Variants in WDPCP observed in about 807,000 individuals in gnomAD.
WDPCP encodes WD repeat containing planar cell polarity effector, also known as WD repeat-containing and planar cell polarity effector protein fritz homolog.
WDPCP carries 71 observed loss-of-function variants against 93.1 expected under a neutral mutation model. The observed-to-expected ratio is 0.76, with a 90% CI of 0.63 to 0.93. The LOEUF (loss-of-function observed/expected upper bound fraction) is 0.93. WDPCP is among the 40% of genes least tolerant of loss of function. The pLI, the probability that WDPCP is intolerant of heterozygous loss-of-function variation, is 0.00. For missense variants in WDPCP, 844 were observed against 887.4 expected (o/e 0.95, Z 0.62); for synonymous variants, 315 against 315.0 (o/e 1.00, Z 0.00).
intron 14 of WDPCP, among the ~76,000 whole-genome samples, chr2:63,199,895 A>C (rs1052506686): frequency 6.6e-6 from 1 of 152,208 alleles, no homozygotes; most frequent in African/African-American, 2.4e-5. Flanking sequence ...AGCTCATGAA[A>C]GCAGCCATGG....
At chr2:63,589,131 G>A, upstream of WDPCP, 1 of 1,613,840 alleles carries the variant, frequency 6.2e-7, no homozygotes, top group Non-Finnish European at 8.5e-7. Flanking sequence ...CTTTTGGGAG[G>A]CAGCTGTGCA....
At chr2:63,470,482 C>A (rs900352441) in intron 6 of WDPCP, among the ~76,000 whole-genome samples, 6 of 152,126 alleles carry the variant, frequency 3.9e-5, no homozygotes. Flanking sequence ...TTTGATCCAT[C>A]GGCAAATTCT....
intron 2 of WDPCP, among the ~76,000 whole-genome samples, chr2:63,693,320 G>T (rs1157414840): frequency 6.6e-6 from 1 of 152,124 alleles, no homozygotes; most frequent in Non-Finnish European, 1.5e-5. Flanking sequence ...AGAAAACAGT[G>T]CAGAAGATGG....
chr2:63,679,706 G>A (rs749688566), intron 2 of WDPCP, among the ~76,000 whole-genome samples: 8 of 151,968 alleles, frequency 5.3e-5, no homozygotes, highest in East Asian at 3.9e-4. Flanking sequence ...CTAGTTAGTC[G>A]GATTCTTGCT....
intron 15 of WDPCP, 29 bp downstream of exon 15, chr2:63,174,640 GA>G (rs755528724): frequency 6.2e-7 from 1 of 1,612,600 alleles, no homozygotes; most frequent in South Asian, 1.1e-5. Context: ...ATACTTTATG[GA>G]GCAATTTCCT....
At chr2:63,644,242 A>G (rs944973100) in intron 3 of WDPCP, among the ~76,000 whole-genome samples, 18 of 85,084 alleles carry the variant, frequency 2.1e-4, no homozygotes, top group Admixed American at 4.4e-4. Context: ...TTTCTCCTCT[A>G]CTTTTTTTTT....
intron 2 of WDPCP, among the ~76,000 whole-genome samples, chr2:63,712,859 A>T (rs1161938458): frequency 6.6e-6 from 1 of 152,044 alleles, no homozygotes; most frequent in Non-Finnish European, 1.5e-5. Flanking sequence ...TGACCTTTCT[A>T]CTTAAACCTG....
chr2:63,318,929 G>A (rs1319138736), intron 12 of WDPCP, among the ~76,000 whole-genome samples: 2 of 151,784 alleles, frequency 1.3e-5, no homozygotes, highest in East Asian at 3.8e-4. Flanking sequence ...CCCTAAAAGT[G>A]CAAGAAAAAA....
intron 12 of WDPCP, among the ~76,000 whole-genome samples, chr2:63,313,886 A>ATGTGTGTGTATATATATATATATTTT: frequency 1.3e-5 from 1 of 74,502 alleles, no homozygotes; most frequent in Non-Finnish European, 2.6e-5. Flanking sequence ...ATATATATAT[A>ATGTGTGTGTATATATATATATATTTT]TTTTTTTTTT....
chr2:63,411,424 A>G (rs757192517), intron 9 of WDPCP, among the ~76,000 whole-genome samples: 1 of 152,182 alleles, frequency 6.6e-6, no homozygotes, highest in Non-Finnish European at 1.5e-5. Flanking sequence ...CCTACATCAA[A>G]AAGACTGAAA....
intron 14 of WDPCP, among the ~76,000 whole-genome samples, chr2:63,196,220 T>C (rs963994485): frequency 1.3e-5 from 2 of 152,204 alleles, no homozygotes; most frequent in Non-Finnish European, 2.9e-5. Flanking sequence ...GTCCTGACGT[T>C]ACAAGAAAAT....
chr2:63,835,654 A>G, the WDPCP span, among the ~76,000 whole-genome samples: 1 of 151,670 alleles, frequency 6.6e-6, no homozygotes, highest in Non-Finnish European at 1.5e-5. Flanking sequence ...AAAAAAAATA[A>G]TAAAATGGCA....
intron 2 of WDPCP, among the ~76,000 whole-genome samples, chr2:63,674,396 T>A (rs971920475): frequency 1.1e-4 from 17 of 152,052 alleles, no homozygotes; most frequent in African/African-American, 4.1e-4. Context: ...AAAGAAAAGC[T>A]ACAGAGGGGT....
At chr2:63,591,942 C>A (rs1448761217), upstream of WDPCP, among the ~76,000 whole-genome samples, 2 of 152,168 alleles carry the variant, frequency 1.3e-5, no homozygotes, top group Non-Finnish European at 2.9e-5. Context: ...GGAAATAATA[C>A]AGAAAGGTTA....
At position 63,735,520 on chromosome 2, in the gene WDPCP, T is replaced by C. The variant is rs1669625421; in HGVS notation, n.308+78102A>G. 2.0e-5 allele frequency among the ~76,000 whole-genome samples: 3 copies of C among 152,114 alleles called. No homozygotes were observed. In the South Asian group the frequency reaches 6.2e-4, roughly 32 times the overall value. On this transcript the variant is annotated intron_variant and non_coding_transcript_variant, in intron 2 of 4. Coordinates refer to the WDPCP transcript ENST00000467687. ...AGGTCTTGGATGCCATGAGAAAGAG[T>C]TCATATTTTATATTGTAGCCAACAG...
At chr2:63,224,582 G>T (rs60345662) in intron 14 of WDPCP, among the ~76,000 whole-genome samples, 1 of 151,830 alleles carries the variant, frequency 6.6e-6, no homozygotes, top group Non-Finnish European at 1.5e-5. Context: ...ATCAAGCAAT[G>T]AAAAAAACAT....
chr2:63,302,829 A>G (rs1685437768), intron 13 of WDPCP, among the ~76,000 whole-genome samples: 1 of 152,258 alleles, frequency 6.6e-6, no homozygotes, highest in Non-Finnish European at 1.5e-5. Flanking sequence ...AAGCCAGCCC[A>G]ACAAAATGAT....
chr2:63,802,062 C>T lies in WDPCP; in HGVS notation n.308+11560G>A, dbSNP rs118002426. Among the ~76,000 whole-genome samples the T allele has an allele frequency of 3.1e-4, 47 of 152,222 alleles. No individual in the cohort carries two copies. The East Asian group carries it at 7.5e-3, about 24-fold the overall frequency. On this transcript the variant is annotated intron_variant and non_coding_transcript_variant, in intron 2 of 4. Coordinates refer to the WDPCP transcript ENST00000467687. ...AGAATTTGTGGACACATTTTAACCACAACAAATAGCAAAGAACATGCACAT... is the reference window on the plus strand; with the variant it reads ...AGAATTTGTGGACACATTTTAACCATAACAAATAGCAAAGAACATGCACAT...
chr2:63,622,953 C>T (rs1709764542), intron 3 of WDPCP: 4 of 804,424 alleles, frequency 5.0e-6, no homozygotes, highest in Non-Finnish European at 7.8e-6. Context: ...GTAGCTCAGT[C>T]ACCACCGCAC....
Sources: gnomAD v4.1 joint callset for allele counts (sites outside exome capture counted in the v4.1 genomes callset) on GRCh38, gnomAD v4.1.1 for gene constraint, MANE v1.5 for transcripts, NCBI Gene and HGNC (gene_info 2026-07-23, HGNC 2026-07-21) for gene names.